The following NLRP1 variants were observed in gnomAD, a reference collection of about 807,000 sequenced individuals.
NLRP1 encodes NLR family pyrin domain containing 1.
Under a neutral mutation model 136.7 loss-of-function variants are expected in NLRP1, and 94 were observed. That is an observed-to-expected ratio of 0.69 (90% CI 0.58 to 0.82). NLRP1 has a LOEUF of 0.82. NLRP1 is among the 40% of genes least tolerant of loss of function. The pLI is 0.00. For synonymous variants in NLRP1, 690 were observed against 725.1 expected, an observed-to-expected ratio of 0.95 and a Z score of 0.78; for missense variants, 1,575 against 1,802.7, an observed-to-expected ratio of 0.87 and a Z score of 2.29.
chr17:5,539,477 G>A lies in NLRP1; in HGVS notation c.2808C>T (p.Asp936=), dbSNP rs199966742. ...CCTCACAGAGCAGTCGCACGCCAAC[G>A]TCATCCAGGTTGTTCTGCTGCAGGT... The part of the protein sequence containing the change: ...ELDLQQNNLD[D]VGVRLLCEGL... The change falls in exon 7 of 17, where the codon GAC becomes GAT. Residue 936 remains aspartate, a synonymous_variant. Transcript: ENST00000572272. 57 of 1,614,040 alleles carry A rather than the reference G, an allele frequency of 3.5e-5. No individual in the cohort carries two copies. In the Middle Eastern group the frequency reaches 4.9e-4, roughly 14 times the overall value.
intron 15 of NLRP1, among the ~76,000 whole-genome samples, chr17:5,507,862 G>A (rs553831266): frequency 6.6e-6 from 1 of 152,192 alleles, no homozygotes; most frequent in South Asian, 2.1e-4. Context: ...GCGGCCAGGC[G>A]CAGTGGCTCA....
intron 12 of NLRP1, among the ~76,000 whole-genome samples, chr17:5,528,232 T>C (rs986037590): frequency 1.3e-5 from 2 of 152,208 alleles, no homozygotes; most frequent in Non-Finnish European, 2.9e-5. Flanking sequence ...GTCTCACTTG[T>C]GGAAGAGGCA....
downstream of NLRP1, chr17:5,513,978 A>C (rs1056590132): frequency 6.6e-6 from 1 of 152,180 alleles, no homozygotes; most frequent in Non-Finnish European, 1.5e-5. Context: ...GTAGTCTGAA[A>C]GGGGGAAGAA....
At chr17:5,542,106 C>T (rs1911940779) in intron 5 of NLRP1, 79 bp from the exon 6 acceptor site, 1 of 1,418,090 alleles carries the variant, frequency 7.1e-7, no homozygotes, top group Non-Finnish European at 9.7e-7. Flanking sequence ...CCATTAATCA[C>T]CTACTATGCA....
At chr17:5,562,594 T>C (rs1914884845) in intron 3 of NLRP1, among the ~76,000 whole-genome samples, 1 of 152,210 alleles carries the variant, frequency 6.6e-6, no homozygotes, top group Non-Finnish European at 1.5e-5. Flanking sequence ...CCAACTGTAC[T>C]GAAACATGAA....
rs182210946 is a variant in NLRP1 at position 5,536,204 on chromosome 17, A to G, written c.2960+647T>C. On this transcript the variant is annotated intron_variant, in intron 8 of 16. Transcript: ENST00000572272. ...TGCTCTGTCACCCAGGCTGGAGTGC[A>G]ATGGCGTGATCCTGGTTCACTGCAA... Among the ~76,000 whole-genome samples, 14 of 151,704 alleles carry G rather than the reference A, an allele frequency of 9.2e-5. No homozygotes were observed. In the East Asian group the frequency reaches 2.7e-3, roughly 29 times the overall value.
In NLRP1 at chr17:5,515,488, G is replaced by A. The variant is rs1395243781; in HGVS notation, c.4087C>T (p.Pro1363Ser). 2 of 1,613,646 alleles carry A rather than the reference G, an allele frequency of 1.2e-6. No individual in the cohort carries two copies. Among genetic ancestry groups the A allele is most frequent in the Non-Finnish European group, 1.7e-6 (2 of 1,179,582 alleles). Residue 1363 changes from proline to serine, a missense_variant, in exon 16 of 17, where the codon CCT becomes TCT. Physicochemically the swap from Pro to Ser is moderately conservative, Grantham distance 74. Coordinates refer to ENST00000572272, the MANE Select transcript of NLRP1 (RefSeq NM_033004.4). Reference protein sequence around the residue: ...GDLMPATTLIPPARIAVPSPL... With the variant: ...GDLMPATTLISPARIAVPSPL... ...TGTTACTGACCTATGCGGGCTGGAG[G>A]GATCAGAGTAGTTGCAGGCATGAGA... is the stretch of plus-strand genomic sequence containing the variant.
intron 9 of NLRP1, among the ~76,000 whole-genome samples, chr17:5,533,654 G>C (rs1457576016): frequency 6.6e-6 from 1 of 151,506 alleles, no homozygotes; most frequent in Non-Finnish European, 1.5e-5. Context: ...CCCGGTTCAG[G>C]GTTTGATACA....
At chr17:5,560,828 C>A (rs1914651988) in intron 3 of NLRP1, among the ~76,000 whole-genome samples, 1 of 152,256 alleles carries the variant, frequency 6.6e-6, no homozygotes, top group Non-Finnish European at 1.5e-5. Context: ...AAGCCACCTG[C>A]AACCAAATCC....
rs1157734992 is a variant in NLRP1 at position 5,517,876 on chromosome 17, G to C, written c.3927C>G (p.Leu1309=). 6.2e-7 allele frequency: 1 copy of C among 1,614,076 alleles called. No homozygotes were observed. The highest frequency in any genetic ancestry group is 8.5e-7 in the Non-Finnish European group (1 of 1,179,998). Residue 1309 remains leucine (L), a synonymous_variant, in exon 15 of 17, where the codon CTC becomes CTG. Transcript: ENST00000572272. ...GGTCTTCTCCAGGGCTTCGATAGCA[G>C]AGCTCCAGTTCCTGAAGAGGCAAAG... ...MLEILPKELE[L]CYRSPGEDQL... is the part of the protein sequence containing the mutation.
Position 5,514,864 on chromosome 17 carries a change from G to A in NLRP1, c.4312C>T (p.Arg1438Trp), listed in dbSNP as rs2151732292. 13 of 1,614,096 alleles carry A rather than the reference G, an allele frequency of 8.1e-6. No homozygotes were observed. The highest frequency in any genetic ancestry group is 2.2e-5 in the East Asian group (1 of 44,866). The change falls in exon 17 of 17, where the codon CGG (arginine) becomes TGG (tryptophan). Residue 1438 changes from arginine to tryptophan, a missense_variant. Transcript: ENST00000572272. ...TGGTAGAGTCCATCTTTGCACTTCC[G>A]GTCCCAGGACTGGCTCAAGCTGAAC... Reference protein sequence around the residue: ...KLFSLSQSWDRKCKDGLYQAL... With the variant: ...KLFSLSQSWDWKCKDGLYQAL...
Position 5,521,524 on chromosome 17 carries a change from C to A in NLRP1, c.3783G>T (p.Lys1261Asn), listed in dbSNP as rs539856705. ...CAGCCTTTCTGGCTCTTAGTGTCAC[C>A]TTCCGAATGGAGCAGTCACTTGGGA... is the stretch of plus-strand genomic sequence containing the variant. Reference protein sequence around the residue: ...YLIPSDCSIRKAIDDLEMKFQ... With the variant: ...YLIPSDCSIRNAIDDLEMKFQ... The change falls in exon 13 of 17, where the codon AAG becomes AAT. Residue 1261 changes from lysine to asparagine, a missense_variant and splice_region_variant. Coordinates refer to ENST00000572272, the MANE Select transcript of NLRP1 (RefSeq NM_033004.4). The A allele has an allele frequency of 1.2e-6, 2 of 1,612,306 alleles. No individual in the cohort carries two copies. The highest frequency in any genetic ancestry group is 4.5e-5 in the East Asian group (2 of 44,846).
Position 5,517,357 on chromosome 17 carries a change from CCCCT to C in NLRP1, c.4057+385_4057+388del, listed in dbSNP as rs1022614039. ...TGTGATAGTGCACTCTGCACCCCCC[CCCCT>C]CCCACATACACAGACTTTCTTCCAT... is the stretch of plus-strand genomic sequence containing the variant. On this transcript the variant is annotated intron_variant, in intron 15 of 16. Transcript: ENST00000572272. 6.7e-5 allele frequency among the ~76,000 whole-genome samples: 6 copies of C among 89,458 alleles called. 1 individual carries two copies. Among genetic ancestry groups the C allele is most frequent in the Non-Finnish European group, 1.6e-4 (6 of 37,808 alleles). 58.7% of individuals were successfully genotyped at this position (89,458 alleles called of 152,430 possible).
At position 5,524,009 on chromosome 17, in the gene NLRP1, C is replaced by T. The variant is rs1208762409; in HGVS notation, c.3521-2223G>A. Among the ~76,000 whole-genome samples the T allele has an allele frequency of 3.3e-5, 5 of 152,122 alleles. No individual in the cohort carries two copies. The East Asian group carries it at 5.8e-4, about 18-fold the overall frequency. ...TGTGATCTTGGCTCACCACAGCCTC[C>T]GCCTCCTGGGTTGAAGTGATTCTCA... On this transcript the variant is annotated intron_variant, in intron 12 of 16. Coordinates refer to ENST00000572272, the MANE Select transcript of NLRP1 (RefSeq NM_033004.4).
At chr17:5,509,716 G>A (rs1907525171), downstream of NLRP1, among the ~76,000 whole-genome samples, 1 of 152,198 alleles carries the variant, frequency 6.6e-6, no homozygotes, top group Non-Finnish European at 1.5e-5. Context: ...TGTTGGCCAG[G>A]CCGGTCTCAA....
Position 5,533,975 on chromosome 17 carries a change from T to C in NLRP1, c.2974A>G (p.Met992Val), listed in dbSNP as rs200746858. 130 of 1,610,604 alleles carry C rather than the reference T, an allele frequency of 8.1e-5. No homozygotes were observed. Among genetic ancestry groups the C allele is most frequent in the Non-Finnish European group, 1.1e-4 (128 of 1,176,810 alleles). ...LIFSRRKPSV[M>V]TPTEGLDTGE... The stretch of plus-strand genomic sequence containing the variant: ...GTATCCAGGCCCTCAGTAGGGGTCA[T>C]CACACTTGGTTTCCTGGACAAAGAA... The change falls in exon 9 of 17, where the codon ATG (methionine) becomes GTG (valine). Residue 992 changes from methionine to valine, a missense_variant. By Grantham distance (21) the Met-to-Val change is conservative (BLOSUM62 1). Coordinates refer to ENST00000572272, the MANE Select transcript of NLRP1 (RefSeq NM_033004.4).
At chr17:5,536,454 T>TA (rs1381399679) in intron 8 of NLRP1, among the ~76,000 whole-genome samples, 2 of 142,950 alleles carry the variant, frequency 1.4e-5, no homozygotes, top group Non-Finnish European at 3.1e-5. Context: ...GCTTTTTTTT[T>TA]TTTTTTTTTT....
At chr17:5,582,196 A>G (rs1442361627) in intron 2 of NLRP1, 134 bp from the exon 3 acceptor site, 1 of 779,058 alleles carries the variant, frequency 1.3e-6, no homozygotes, top group East Asian at 2.7e-5. Flanking sequence ...GTTGAAGTAG[A>G]GGGGCAATTT....
chr17:5,568,386 C>T (rs944371169), intron 3 of NLRP1, among the ~76,000 whole-genome samples: 3 of 152,134 alleles, frequency 2.0e-5, no homozygotes, highest in Non-Finnish European at 4.4e-5. Context: ...ATTTTTTCAG[C>T]TCCAGAATTT....
Sources: gnomAD v4.1 joint callset for allele counts (sites outside exome capture counted in the v4.1 genomes callset) on GRCh38, gnomAD v4.1.1 for gene constraint, MANE v1.5 for transcripts, NCBI Gene and HGNC (gene_info 2026-07-23, HGNC 2026-07-21) for gene names.